The following TEX35 variants were observed in gnomAD, a reference collection of about 807,000 sequenced individuals.
TEX35 encodes the protein testis-expressed protein 35.
A neutral mutation model predicts 31.9 loss-of-function variants in TEX35; 26 were observed. The ratio of observed to expected loss-of-function variants is 0.81; its 90% CI spans 0.60 to 1.13. The LOEUF (loss-of-function observed/expected upper bound fraction) is 1.13. Ranked by LOEUF, TEX35 falls within the 50% of genes most tolerant of loss-of-function variation. The probability of loss-of-function intolerance (pLI) is 0.00; values close to 1 mark genes in which losing one functional copy is unlikely to be tolerated. For synonymous variants in TEX35, 87 were observed against 90.7 expected, an observed-to-expected ratio of 0.96 and a Z score of 0.23; for missense variants, 278 against 273.5, an observed-to-expected ratio of 1.02 and a Z score of -0.12.
chr1:178,513,176 G>T lies in TEX35; in HGVS notation c.-13G>T, dbSNP rs1463284092. On this transcript the variant is annotated 5_prime_UTR_variant, in exon 1 of 9. Transcript: ENST00000319416. ...GTTGTGGGGAGTTGAAGAACACCCT[G>T]GCCTCCTCCATCATGTCGGCCAAGA... 1.2e-6 allele frequency: 2 copies of T among 1,614,056 alleles called. No individual in the cohort carries two copies. Among genetic ancestry groups the T allele is most frequent in the South Asian group, 2.2e-5 (2 of 91,076 alleles).
intron 5 of TEX35, among the ~76,000 whole-genome samples, chr1:178,519,057 TAATC>T (rs1439953955): frequency 1.3e-5 from 2 of 152,168 alleles, no homozygotes; most frequent in Non-Finnish European, 2.9e-5. Flanking sequence ...TGGAGATTCT[TAATC>T]AAAGAACATT....
chr1:178,522,401 C>T lies in TEX35; in HGVS notation c.663C>T (p.His221=), dbSNP rs746813551. ...EPVTTQPSVG[H]AVPAPKSQTE... ...TGACCACCCAACCTTCTGTGGGCCA[C>T]GCTGTGCCTGCCCCAAAGTCCCAGA... The change falls in exon 9 of 9, where the codon CAC becomes CAT. Residue 221 remains histidine (H), a synonymous_variant. Coordinates refer to ENST00000319416, the MANE Select transcript of TEX35 (RefSeq NM_032126.5). 3.2e-5 allele frequency: 51 copies of T among 1,604,710 alleles called. No individual in the cohort carries two copies. Among genetic ancestry groups the T allele is most frequent in the South Asian group, 2.9e-4 (26 of 88,752 alleles).
In TEX35 at chr1:178,522,398, C is replaced by T. The variant is rs572028094; in HGVS notation, c.660C>T (p.Gly220=). The T allele has an allele frequency of 1.1e-5, 18 of 1,605,016 alleles. No homozygotes were observed. Among genetic ancestry groups the T allele is most frequent in the South Asian group, 6.8e-5 (6 of 88,784 alleles). The change falls in exon 9 of 9, where the codon GGC becomes GGT. Residue 220 remains glycine (G), a synonymous_variant. Coordinates refer to ENST00000319416, the MANE Select transcript of TEX35 (RefSeq NM_032126.5). The part of the protein sequence containing the change: ...EEPVTTQPSV[G]HAVPAPKSQT... ...CAGTGACCACCCAACCTTCTGTGGG[C>T]CACGCTGTGCCTGCCCCAAAGTCCC...
intron 6 of TEX35, 93 bp from the exon 7 acceptor site, chr1:178,520,580 G>A (rs1256540410): frequency 6.3e-7 from 1 of 1,591,862 alleles, no homozygotes; most frequent in African/African-American, 1.3e-5. Context: ...TGGAGTCAAG[G>A]CCTTCCATGG....
intron 6 of TEX35, 54 bp downstream of exon 6, chr1:178,520,490 C>T (rs754605229): frequency 6.2e-7 from 1 of 1,613,970 alleles, no homozygotes; most frequent in Non-Finnish European, 8.5e-7. Flanking sequence ...TCCTCCCTTC[C>T]CTTTGTTGGA....
chr1:178,521,670 A>G (rs1230708041), intron 8 of TEX35: 1 of 1,552,044 alleles, frequency 6.4e-7, no homozygotes, highest in East Asian at 2.4e-5. Flanking sequence ...TTTCCAACCT[A>G]GCGCAGCTGC....
chr1:178,520,966 G>A, intron 7 of TEX35, 92 bp downstream of exon 7: 1 of 1,573,742 alleles, frequency 6.4e-7, no homozygotes, highest in South Asian at 1.1e-5. Flanking sequence ...GTATCATAGT[G>A]AAGGGACAGG....
chr1:178,523,097 C>T (rs1369562013), downstream of TEX35, among the ~76,000 whole-genome samples: 1 of 152,192 alleles, frequency 6.6e-6, no homozygotes, highest in African/African-American at 2.4e-5. Context: ...ATAATGATTT[C>T]CAGTTCCATC....
In TEX35 at chr1:178,520,452, A is replaced by C. The variant is rs200101991; in HGVS notation, c.341+16A>C. On this transcript the variant is annotated intron_variant, in intron 6 of 8. Coordinates refer to ENST00000319416, the MANE Select transcript of TEX35 (RefSeq NM_032126.5). ...ACTATAAGCTGTAAGTGTAACCTGC[A>C]CTCGTCTCTCCTCATCCCTAAAGGG... 5.0e-6 allele frequency: 8 copies of C among 1,614,016 alleles called. No homozygotes were observed. In the South Asian group the frequency reaches 7.7e-5, roughly 16 times the overall value.
At chr1:178,516,060 G>A (rs1006795937) in intron 4 of TEX35, 145 bp downstream of exon 4, 13 of 693,346 alleles carry the variant, frequency 1.9e-5, no homozygotes, top group East Asian at 1.6e-4. Context: ...TCAGTATTAG[G>A]TTATTCACTT....
chr1:178,514,129 G>A (rs1649981468), intron 2 of TEX35, 52 bp downstream of exon 2: 2 of 1,613,846 alleles, frequency 1.2e-6, no homozygotes, highest in Admixed American at 3.3e-5. Flanking sequence ...GATCCATGGG[G>A]AAGTGACCAG....
In TEX35 at chr1:178,521,511, T is replaced by C. The variant is rs1297986949; in HGVS notation, c.586+247T>C. ...CATGGTGGGGAGGGTGCACCACTAGTGGCGGAACTGACCTTGCCTCAGGTC... is the reference window on the plus strand; with the variant it reads ...CATGGTGGGGAGGGTGCACCACTAGCGGCGGAACTGACCTTGCCTCAGGTC... On this transcript the variant is annotated intron_variant, in intron 8 of 8. Transcript: ENST00000319416. The C allele has an allele frequency of 5.2e-6, 6 of 1,161,910 alleles. No homozygotes were observed. The African/African-American group carries it at 6.1e-5, about 12-fold the overall frequency. 72.0% of individuals were successfully genotyped at this position (1,161,910 alleles called of 1,614,324 possible). A position where few individuals can be genotyped will look rare whatever the true frequency, so the allele number is the denominator to read the frequency against.
chr1:178,521,104 C>A, intron 7 of TEX35, 118 bp from the exon 8 acceptor site: 1 of 1,592,378 alleles, frequency 6.3e-7, no homozygotes, highest in Non-Finnish European at 8.6e-7. Context: ...GCCTACCCGC[C>A]AGCTCCACCC....
At chr1:178,523,292 T>G (rs559256890), downstream of TEX35, 4 of 701,852 alleles carry the variant, frequency 5.7e-6, no homozygotes, top group African/African-American at 7.0e-5. Flanking sequence ...GCTGATTTTC[T>G]TTCTTGTAGG....
intron 3 of TEX35, among the ~76,000 whole-genome samples, chr1:178,515,250 G>A (rs1360273735): frequency 6.6e-6 from 1 of 152,128 alleles, no homozygotes; most frequent in African/African-American, 2.4e-5. Context: ...TGGGACTATA[G>A]GCGTGCACCA....
intron 8 of TEX35, chr1:178,521,957 A>G: frequency 9.5e-7 from 1 of 1,054,802 alleles, no homozygotes; most frequent in South Asian, 1.7e-5. Context: ...TAGTCATCTT[A>G]GGGTCCTCCC....
Position 178,522,342 on chromosome 1 carries a change from G to T in TEX35, c.604G>T (p.Ala202Ser). ...CCCCAAAGGGAACATTCCTTCAGAG[G>T]CCTCAGGCCTTTACAAAGGTGGAGA... ...NYNRGNIPSE[A>S]SGLYKGGEEP... The change falls in exon 9 of 9, where the codon GCC becomes TCC. Residue 202 changes from alanine (A) to serine (S), a missense_variant. Ala to Ser is a moderately conservative substitution (Grantham distance 99). Transcript: ENST00000319416. 1 of 1,601,542 alleles carries T rather than the reference G, an allele frequency of 6.2e-7. No individual in the cohort carries two copies. Among genetic ancestry groups the T allele is most frequent in the Non-Finnish European group, 8.5e-7 (1 of 1,173,360 alleles).
intron 8 of TEX35, 41 bp downstream of exon 8, chr1:178,521,305 T>A (rs1650268543): frequency 1.2e-6 from 2 of 1,611,336 alleles, no homozygotes; most frequent in Non-Finnish European, 1.7e-6. Flanking sequence ...CTCGATCAGG[T>A]GCCTTGTTGT....
At chr1:178,516,923 T>G (rs939469105) in intron 5 of TEX35, among the ~76,000 whole-genome samples, 6 of 152,212 alleles carry the variant, frequency 3.9e-5, no homozygotes, top group African/African-American at 1.4e-4. Context: ...AGTTGAGCCT[T>G]GAAGACTGCA....
Sources: allele counts gnomAD v4.1 joint callset (sites outside exome capture counted in the v4.1 genomes callset), GRCh38; gene constraint gnomAD v4.1.1; transcripts MANE v1.5; gene names NCBI Gene and HGNC (gene_info 2026-07-23, HGNC 2026-07-21).